GALNTL6: variants seen among roughly 807,000 people sequenced by gnomAD.
GALNTL6 encodes polypeptide N-acetylgalactosaminyltransferase-like 6.
Under a neutral mutation model 73.7 loss-of-function variants are expected in GALNTL6, and 46 were observed. The observed-to-expected ratio is 0.62, with a 90% CI of 0.49 to 0.80. GALNTL6 has a LOEUF of 0.80. GALNTL6 is among the 30% of genes least tolerant of loss of function. The pLI is 0.00. For synonymous variants in GALNTL6, 259 were observed against 263.7 expected (o/e 0.98, Z 0.17); for missense variants, 604 against 755.0 (o/e 0.80, Z 2.34).
At chr4:172,864,746 C>T (rs1270595355) in intron 7 of GALNTL6, among the ~76,000 whole-genome samples, 1 of 152,166 alleles carries the variant, frequency 6.6e-6, no homozygotes, top group Non-Finnish European at 1.5e-5. Context: ...AGGCATATCA[C>T]ATATATTAGA....
intron 2 of GALNTL6, among the ~76,000 whole-genome samples, chr4:171,894,686 A>T: frequency 6.6e-6 from 1 of 152,154 alleles, no homozygotes; most frequent in East Asian, 1.9e-4. Context: ...AAATATGATG[A>T]AATCAAAGTT....
At chr4:171,979,843 C>A (rs992548550) in intron 2 of GALNTL6, among the ~76,000 whole-genome samples, 46 of 152,062 alleles carry the variant, frequency 3.0e-4, no homozygotes, top group Admixed American at 1.3e-3. Flanking sequence ...AATCTGCCAG[C>A]ATAAATACTA....
Position 172,097,611 on chromosome 4 carries a change from T to C in GALNTL6, c.139-132045T>C, listed in dbSNP as rs191051095. 1.1e-3 allele frequency among the ~76,000 whole-genome samples: 161 copies of C among 152,190 alleles called. 1 individual carries two copies. Among genetic ancestry groups the C allele is most frequent in the African/African-American group, 3.7e-3 (155 of 41,524 alleles). ...AGAAACAGAAACCATTTTAGAACCA[T>C]GAAAATTAAAGCAAAAATTCTGAGG... On this transcript the variant is annotated intron_variant, in intron 2 of 12. Transcript: ENST00000506823.
chr4:172,927,803 G>T (rs537014743), intron 8 of GALNTL6, among the ~76,000 whole-genome samples: 1 of 152,200 alleles, frequency 6.6e-6, no homozygotes, highest in East Asian at 1.9e-4. Context: ...TGCCCCAGAG[G>T]ACAGGCTATG....
chr4:172,208,135 C>T (rs1444754004), intron 2 of GALNTL6, among the ~76,000 whole-genome samples: 1 of 152,154 alleles, frequency 6.6e-6, no homozygotes, highest in Non-Finnish European at 1.5e-5. Context: ...CAGAGCATTA[C>T]AAAGTGAGAC....
intron 5 of GALNTL6, among the ~76,000 whole-genome samples, chr4:172,477,759 C>T (rs1208743877): frequency 6.6e-6 from 1 of 152,134 alleles, no homozygotes; most frequent in Non-Finnish European, 1.5e-5. Flanking sequence ...TTGTTGTAGG[C>T]TGTGTCTCTT....
At chr4:172,014,797 C>A (rs1441791803) in intron 2 of GALNTL6, among the ~76,000 whole-genome samples, 1 of 152,022 alleles carries the variant, frequency 6.6e-6, no homozygotes, top group Non-Finnish European at 1.5e-5. Flanking sequence ...ATTTTGATTT[C>A]ATTGTTGACC....
chr4:172,991,597 G>T (rs566579834), intron 10 of GALNTL6, among the ~76,000 whole-genome samples: 2 of 151,674 alleles, frequency 1.3e-5, no homozygotes, highest in Non-Finnish European at 2.9e-5. Context: ...TAGTAGAGAC[G>T]GGATTTTGCC....
At chr4:172,216,442 CATT>C (rs1322033442) in intron 2 of GALNTL6, among the ~76,000 whole-genome samples, 2 of 151,908 alleles carry the variant, frequency 1.3e-5, no homozygotes, top group Non-Finnish European at 2.9e-5. Flanking sequence ...ACTGGTAAAG[CATT>C]ATTAAAGCCC....
At chr4:172,937,514 A>G (rs2111336693) in intron 9 of GALNTL6, among the ~76,000 whole-genome samples, 1 of 152,340 alleles carries the variant, frequency 6.6e-6, no homozygotes, top group East Asian at 1.9e-4. Context: ...GGAGATACCC[A>G]CAGATTTTCC....
intron 5 of GALNTL6, among the ~76,000 whole-genome samples, chr4:172,709,979 GAAC>G (rs1734599105): frequency 6.6e-6 from 1 of 151,932 alleles, no homozygotes; most frequent in Non-Finnish European, 1.5e-5. Context: ...AAAAAATGAT[GAAC>G]ACTAAAAGGT....
intron 5 of GALNTL6, among the ~76,000 whole-genome samples, chr4:172,645,419 A>T (rs1740196152): frequency 6.6e-6 from 1 of 151,980 alleles, no homozygotes; most frequent in African/African-American, 2.4e-5. Context: ...AAATTTATCT[A>T]ATTGATCCAG....
At chr4:171,832,890 A>C (rs1409386449) in intron 2 of GALNTL6, among the ~76,000 whole-genome samples, 1 of 151,828 alleles carries the variant, frequency 6.6e-6, no homozygotes, top group East Asian at 1.9e-4. Context: ...TAAGCTTCCA[A>C]GTCCTTCCAT....
intron 2 of GALNTL6, among the ~76,000 whole-genome samples, chr4:171,865,831 T>C (rs974786999): frequency 1.3e-5 from 2 of 152,236 alleles, no homozygotes; most frequent in African/African-American, 4.8e-5. Flanking sequence ...ATTTTCGTGA[T>C]TGTTTTCTGT....
At chr4:173,013,757 A>C (rs1055617149) in intron 11 of GALNTL6, among the ~76,000 whole-genome samples, 1 of 152,184 alleles carries the variant, frequency 6.6e-6, no homozygotes, top group African/African-American at 2.4e-5. Context: ...GGATTAAATA[A>C]GGTTGATAAG....
chr4:172,022,339 C>G (rs145014907), intron 2 of GALNTL6, among the ~76,000 whole-genome samples: 13 of 152,128 alleles, frequency 8.5e-5, no homozygotes, highest in Non-Finnish European at 7.4e-5. Context: ...AGCCTTCCTC[C>G]ACACTGACTT....
At chr4:172,143,471 G>T (rs1733851840) in intron 2 of GALNTL6, among the ~76,000 whole-genome samples, 1 of 151,694 alleles carries the variant, frequency 6.6e-6, no homozygotes, top group South Asian at 2.1e-4. Context: ...CCATCTGTGT[G>T]TTTGGTAGGT....
chr4:172,334,599 C>T (rs184460298), intron 4 of GALNTL6, among the ~76,000 whole-genome samples: 39 of 152,114 alleles, frequency 2.6e-4, no homozygotes, highest in Non-Finnish European at 4.7e-4. Flanking sequence ...TTACTGAAGT[C>T]GCTTATTAGT....
At chr4:172,572,081 A>G (rs1383091454) in intron 5 of GALNTL6, among the ~76,000 whole-genome samples, 1 of 152,132 alleles carries the variant, frequency 6.6e-6, no homozygotes, top group African/African-American at 2.4e-5. Context: ...TGATTGTGAC[A>G]ATTATTGACT....
Sources: allele counts gnomAD v4.1 joint callset (sites outside exome capture counted in the v4.1 genomes callset), GRCh38; gene constraint gnomAD v4.1.1; transcripts MANE v1.5; gene names NCBI Gene and HGNC (gene_info 2026-07-23, HGNC 2026-07-21).